The following UNC5D variants were observed in gnomAD, a reference collection of about 807,000 sequenced individuals.
The protein encoded by UNC5D is netrin receptor UNC5D.
Under a neutral mutation model 105.4 loss-of-function variants are expected in UNC5D, and 39 were observed. The observed-to-expected ratio is 0.37, with a 90% CI of 0.29 to 0.48. UNC5D has a LOEUF of 0.48. Ranked by LOEUF, UNC5D falls within the 20% of genes least tolerant of loss-of-function variation. UNC5D has a pLI of 0.98. For synonymous variants in UNC5D, 452 were observed against 450.4 expected, an observed-to-expected ratio of 1.00 and a Z score of -0.04; for missense variants, 991 against 1,202.4, an observed-to-expected ratio of 0.82 and a Z score of 2.60.
intron 7 of UNC5D, among the ~76,000 whole-genome samples, chr8:35,696,917 G>A (rs1336491304): frequency 3.3e-5 from 5 of 152,032 alleles, no homozygotes; most frequent in Non-Finnish European, 7.4e-5. Flanking sequence ...TGATCATTTA[G>A]AAAGATATCA....
chr8:35,249,766 A>G (rs1803567299), intron 1 of UNC5D, among the ~76,000 whole-genome samples: 1 of 151,984 alleles, frequency 6.6e-6, no homozygotes, highest in Non-Finnish European at 1.5e-5. Flanking sequence ...TGTTGAAGCC[A>G]CCTTGCTGGA....
At chr8:35,548,577 C>A (rs1429772075) in intron 1 of UNC5D, among the ~76,000 whole-genome samples, 2 of 152,176 alleles carry the variant, frequency 1.3e-5, no homozygotes, top group Non-Finnish European at 2.9e-5. Context: ...AGGGGAGAAT[C>A]CAGTTTATTC....
At chr8:35,676,426 T>C (rs1825226453) in intron 4 of UNC5D, among the ~76,000 whole-genome samples, 1 of 152,182 alleles carries the variant, frequency 6.6e-6, no homozygotes, top group African/African-American at 2.4e-5. Flanking sequence ...CCTTCAGGAA[T>C]GTTAGGCCTC....
chr8:35,677,259 C>A (rs1352751844), intron 4 of UNC5D, among the ~76,000 whole-genome samples: 4 of 152,084 alleles, frequency 2.6e-5, no homozygotes, highest in Non-Finnish European at 5.9e-5. Flanking sequence ...TTTAAAAATA[C>A]CCATGCCTCT....
chr8:35,566,659 A>G (rs1817358950), intron 2 of UNC5D, among the ~76,000 whole-genome samples: 1 of 152,206 alleles, frequency 6.6e-6, no homozygotes, highest in Admixed American at 6.5e-5. Flanking sequence ...TAGCCTCCTG[A>G]GTCATAGTTC....
intron 1 of UNC5D, among the ~76,000 whole-genome samples, chr8:35,535,604 C>T (rs965300651): frequency 3.3e-5 from 5 of 151,902 alleles, no homozygotes; most frequent in African/African-American, 1.2e-4. Context: ...GAACTGGTTA[C>T]TGGGTTGTAA....
chr8:35,673,592 C>T (rs944550038), intron 4 of UNC5D, among the ~76,000 whole-genome samples: 1 of 152,056 alleles, frequency 6.6e-6, no homozygotes, highest in African/African-American at 2.4e-5. Flanking sequence ...TTTTCTTTGC[C>T]TATCTTGGGG....
intron 1 of UNC5D, among the ~76,000 whole-genome samples, chr8:35,252,265 T>G (rs1433235294): frequency 6.6e-6 from 1 of 152,134 alleles, no homozygotes; most frequent in Non-Finnish European, 1.5e-5. Context: ...TAAATATAGT[T>G]TTTAAAAAGT....
chr8:35,705,790 A>G, intron 7 of UNC5D, 139 bp from the exon 8 acceptor site: 1 of 461,996 alleles, frequency 2.2e-6, no homozygotes, highest in Non-Finnish European at 3.6e-6. Flanking sequence ...AAAACTATGG[A>G]CAATGCCATT....
chr8:35,601,331 G>A (rs1393740465), intron 4 of UNC5D, among the ~76,000 whole-genome samples: 1 of 152,052 alleles, frequency 6.6e-6, no homozygotes, highest in African/African-American at 2.4e-5. Flanking sequence ...TTCCAATTCT[G>A]TGAAGAAAGT....
intron 13 of UNC5D, 91 bp downstream of exon 13, chr8:35,750,900 G>C (rs1297240047): frequency 1.3e-6 from 2 of 1,509,632 alleles, no homozygotes; most frequent in South Asian, 1.2e-5. Flanking sequence ...TATTACTGAG[G>C]GTCTAGAAAA....
At chr8:35,518,580 A>G (rs558986634) in intron 1 of UNC5D, among the ~76,000 whole-genome samples, 2 of 152,276 alleles carry the variant, frequency 1.3e-5, no homozygotes, top group African/African-American at 2.4e-5. Flanking sequence ...TAGATCTACT[A>G]TTGGTAGACA....
intron 1 of UNC5D, among the ~76,000 whole-genome samples, chr8:35,260,287 C>T (rs969202741): frequency 2.6e-5 from 4 of 152,098 alleles, no homozygotes; most frequent in Non-Finnish European, 1.5e-5. Context: ...TGGAGCGGTC[C>T]ATCATTCCAA....
Position 35,423,078 on chromosome 8 carries a change from C to G in UNC5D, c.104-126214C>G, listed in dbSNP as rs117791845. ...TGACCCCCACCAAGTGAAAATCACCCTTTTGCTTTTGAGAAGCAGCTGCAA... is the reference window on the plus strand; with the variant it reads ...TGACCCCCACCAAGTGAAAATCACCGTTTTGCTTTTGAGAAGCAGCTGCAA... On this transcript the variant is annotated intron_variant, in intron 1 of 16. Transcript: ENST00000404895. Among the ~76,000 whole-genome samples, 61 of 152,302 alleles carry G rather than the reference C, an allele frequency of 4.0e-4. No homozygotes were observed. In the East Asian group the frequency reaches 7.1e-3, roughly 18 times the overall value.
intron 1 of UNC5D, among the ~76,000 whole-genome samples, chr8:35,462,271 C>T (rs762535736): frequency 2.6e-5 from 4 of 151,928 alleles, no homozygotes; most frequent in Non-Finnish European, 5.9e-5. Flanking sequence ...TTTTAAACTG[C>T]ACTTATAAAT....
intron 4 of UNC5D, among the ~76,000 whole-genome samples, chr8:35,608,092 G>A (rs924402463): frequency 4.6e-5 from 7 of 152,084 alleles, no homozygotes; most frequent in Admixed American, 3.9e-4. Flanking sequence ...ATAAGATCAG[G>A]TTCCCAGGTT....
At chr8:35,516,490 A>G (rs997136251) in intron 1 of UNC5D, among the ~76,000 whole-genome samples, 1 of 152,198 alleles carries the variant, frequency 6.6e-6, no homozygotes. Flanking sequence ...GGGCTTTGAC[A>G]ATCTGCTAGA....
intron 1 of UNC5D, among the ~76,000 whole-genome samples, chr8:35,279,155 C>G (rs1190056063): frequency 6.6e-6 from 1 of 152,190 alleles, no homozygotes; most frequent in African/African-American, 2.4e-5. Flanking sequence ...ACGGAGTATG[C>G]TGAATTCTAA....
intron 3 of UNC5D, among the ~76,000 whole-genome samples, chr8:35,583,393 G>A (rs1439153): frequency 0.012 from 1,846 of 152,174 alleles, 49 homozygotes; most frequent in African/African-American, 0.043. Flanking sequence ...GCCTGAGTGT[G>A]TGTATATGTA....
Sources: allele counts gnomAD v4.1 joint callset (sites outside exome capture counted in the v4.1 genomes callset), GRCh38; gene constraint gnomAD v4.1.1; transcripts MANE v1.5; gene names NCBI Gene and HGNC (gene_info 2026-07-23, HGNC 2026-07-21).